MCTP2: variants seen among roughly 807,000 people sequenced by gnomAD.
MCTP2 encodes multiple C2 and transmembrane domain containing 2.
A neutral mutation model predicts 111.6 loss-of-function variants in MCTP2; 132 were observed. The observed-to-expected ratio is 1.18, with a 90% confidence interval of 1.03 to 1.37. The LOEUF is 1.37. MCTP2 is among the 40% of genes most tolerant of loss of function. The pLI is 0.00. For missense variants in MCTP2, 1,183 were observed against 1,067.9 expected (o/e 1.11, Z -1.50); for synonymous variants, 395 against 387.7 (o/e 1.02, Z -0.22).
chr15:94,240,336 C>T (rs1304246916), intron 1 of MCTP2, among the ~76,000 whole-genome samples: 1 of 152,080 alleles, frequency 6.6e-6, no homozygotes, highest in Admixed American at 6.6e-5. Context: ...GGAAATCTGG[C>T]CTATGTCTTT....
chr15:94,458,358 C>T, intron 20 of MCTP2, 112 bp downstream of exon 20: 1 of 690,336 alleles, frequency 1.4e-6, no homozygotes, highest in Non-Finnish European at 2.6e-6. Flanking sequence ...CAAAAACACA[C>T]CAAAGCAACA....
chr15:94,393,687 AC>A (rs1433370749), intron 14 of MCTP2, among the ~76,000 whole-genome samples: 1 of 152,208 alleles, frequency 6.6e-6, no homozygotes, highest in African/African-American at 2.4e-5. Flanking sequence ...GGATAATATC[AC>A]TAGTACAGTA....
chr15:94,350,677 T>G (rs7497326), intron 8 of MCTP2, among the ~76,000 whole-genome samples: 68,823 of 152,088 alleles, frequency 0.45, 15,762 homozygotes, highest in African/African-American at 0.52. Context: ...CTCGGTAGGG[T>G]TGCTTATAAA....
At chr15:94,433,841 T>G (rs2083317254) in intron 17 of MCTP2, among the ~76,000 whole-genome samples, 1 of 152,208 alleles carries the variant, frequency 6.6e-6, no homozygotes, top group African/African-American at 2.4e-5. Flanking sequence ...TGTGTTTTCC[T>G]AATGCATAAT....
chr15:94,315,159 C>T (rs1380866851), intron 3 of MCTP2, among the ~76,000 whole-genome samples: 2 of 152,116 alleles, frequency 1.3e-5, no homozygotes, highest in Non-Finnish European at 2.9e-5. Flanking sequence ...TCTTGGGAGC[C>T]AGGCCTGCAG....
intron 1 of MCTP2, among the ~76,000 whole-genome samples, chr15:94,249,546 C>T (rs1431264928): frequency 2.0e-5 from 3 of 150,962 alleles, no homozygotes; most frequent in African/African-American, 7.3e-5. Context: ...AGTGCAGTGG[C>T]GCGATCTCAG....
In MCTP2 at chr15:94,301,275, G is replaced by C. The variant is rs146925676; in HGVS notation, c.465+2545G>C. ...AGGACGGAGGGACGGGAGTGCGGCT[G>C]ATCAGACCCCTAGGATCCCTTGCAG... On this transcript the variant is annotated intron_variant, in intron 2 of 22. Transcript: ENST00000357742. Among the ~76,000 whole-genome samples the C allele has an allele frequency of 1.6e-3, 242 of 152,224 alleles. 5 individuals carry two copies. The East Asian group carries it at 0.043, about 27-fold the overall frequency.
chr15:94,328,261 T>C, intron 4 of MCTP2, among the ~76,000 whole-genome samples: 1 of 151,810 alleles, frequency 6.6e-6, no homozygotes, highest in Non-Finnish European at 1.5e-5. Flanking sequence ...CATGAGTAGC[T>C]GGGACTACAG....
rs145123758 is a variant in MCTP2, at chr15:94,263,454, T to C, written c.-66+31790T>C. 2.0e-3 allele frequency among the ~76,000 whole-genome samples: 298 copies of C among 152,334 alleles called. 2 individuals carry two copies. Among genetic ancestry groups the C allele is most frequent in the Admixed American group, 0.017 (259 of 15,300 alleles). The stretch of plus-strand genomic sequence containing the variant: ...GTGTATGTGTTTCTGTTTAAGGACA[T>C]GTCATTTAACACGTATTGTTGACTC... On this transcript the variant is annotated intron_variant, in intron 1 of 22. Transcript: ENST00000357742.
intron 1 of MCTP2, among the ~76,000 whole-genome samples, chr15:94,267,928 T>G (rs1292426577): frequency 7.3e-6 from 1 of 137,612 alleles, no homozygotes. Context: ...TGCAGAGGCG[T>G]GATCTTGGCT....
chr15:94,380,743 AG>A (rs1567576044), intron 12 of MCTP2, among the ~76,000 whole-genome samples: 1 of 151,788 alleles, frequency 6.6e-6, no homozygotes, highest in African/African-American at 2.4e-5. Context: ...ACTCTAGCCT[AG>A]GCAACAGAGT....
At chr15:94,421,752 G>A (rs1567673832) in intron 17 of MCTP2, among the ~76,000 whole-genome samples, 1 of 152,150 alleles carries the variant, frequency 6.6e-6, no homozygotes, top group Non-Finnish European at 1.5e-5. Context: ...GGTAATTTGG[G>A]TCATCTACCT....
At chr15:94,471,816 T>A (rs2073957195) in intron 21 of MCTP2, among the ~76,000 whole-genome samples, 1 of 151,944 alleles carries the variant, frequency 6.6e-6, no homozygotes, top group South Asian at 2.1e-4. Context: ...GTTATTTGCA[T>A]CAACTGGTTA....
chr15:94,380,784 G>T (rs2080093099), intron 12 of MCTP2, among the ~76,000 whole-genome samples: 1 of 151,768 alleles, frequency 6.6e-6, no homozygotes, highest in Non-Finnish European at 1.5e-5. Flanking sequence ...AAAAAAGGGG[G>T]GGTTATCAAA....
chr15:94,278,834 C>G (rs191970940), intron 1 of MCTP2, among the ~76,000 whole-genome samples: 130 of 152,214 alleles, frequency 8.5e-4, no homozygotes, highest in African/African-American at 3.0e-3. Flanking sequence ...ATTTGGTTTC[C>G]TGTTCCTTTA....
At chr15:94,340,296 A>C (rs370708398) in intron 6 of MCTP2, 21 bp downstream of exon 6, 75 of 1,567,844 alleles carry the variant, frequency 4.8e-5, no homozygotes, top group Non-Finnish European at 6.1e-5. Flanking sequence ...TTTACATTTT[A>C]ATTGTTATTG....
chr15:94,409,773 G>C (rs533465574), intron 17 of MCTP2, among the ~76,000 whole-genome samples: 2 of 151,516 alleles, frequency 1.3e-5, no homozygotes, highest in Admixed American at 6.6e-5. Context: ...CGAGTATCTA[G>C]TACACTGCTA....
chr15:94,328,168 A>G (rs574173748), intron 4 of MCTP2, among the ~76,000 whole-genome samples: 189 of 145,038 alleles, frequency 1.3e-3, no homozygotes, highest in South Asian at 0.01. Flanking sequence ...TTGCTCTGTC[A>G]CCCAGGCTGG....
At chr15:94,339,458 G>T in intron 5 of MCTP2, 26 bp downstream of exon 5, 1 of 1,543,272 alleles carries the variant, frequency 6.5e-7, no homozygotes, top group Non-Finnish European at 8.7e-7. Flanking sequence ...TTTCAAATCT[G>T]CTCCTTTATT....
Sources: gnomAD v4.1 joint callset for allele counts (sites outside exome capture counted in the v4.1 genomes callset) on GRCh38, gnomAD v4.1.1 for gene constraint, MANE v1.5 for transcripts, NCBI Gene and HGNC (gene_info 2026-07-23, HGNC 2026-07-21) for gene names.